Variants in DLGAP1 observed in about 807,000 individuals in gnomAD.
DLGAP1 encodes DLG associated protein 1.
DLGAP1 carries 11 observed loss-of-function variants against 90.8 expected under a neutral mutation model. The observed-to-expected ratio is 0.12, with a 90% CI of 0.08 to 0.20. The LOEUF (loss-of-function observed/expected upper bound fraction) is 0.20. Ranked by LOEUF, DLGAP1 falls within the 10% of genes least tolerant of loss-of-function variation. DLGAP1 has a pLI of 1.00. For synonymous variants in DLGAP1, 558 were observed against 540.7 expected, an observed-to-expected ratio of 1.03 and a Z score of -0.44; for missense variants, 1,050 against 1,333.8, an observed-to-expected ratio of 0.79 and a Z score of 3.31.
chr18:4,354,998 G>C (rs990631048), intron 1 of DLGAP1, among the ~76,000 whole-genome samples: 4 of 149,462 alleles, frequency 2.7e-5, no homozygotes, highest in Admixed American at 2.0e-4. Context: ...AGGATGCAGA[G>C]ACTCTGGGTC....
At chr18:3,528,322 G>A (rs2051780663) in intron 10 of DLGAP1, among the ~76,000 whole-genome samples, 1 of 152,144 alleles carries the variant, frequency 6.6e-6, no homozygotes, top group African/African-American at 2.4e-5. Context: ...AGTGGGATTG[G>A]CCTCTCTTCC....
chr18:3,703,510 T>C (rs1193218704), intron 7 of DLGAP1, among the ~76,000 whole-genome samples: 2 of 152,200 alleles, frequency 1.3e-5, no homozygotes, highest in African/African-American at 4.8e-5. Context: ...GGCCCTGATC[T>C]CTGTAGAAGG....
intron 1 of DLGAP1, among the ~76,000 whole-genome samples, chr18:4,164,578 G>A (rs2076902104): frequency 6.6e-6 from 1 of 152,134 alleles, no homozygotes; most frequent in Admixed American, 6.5e-5. Context: ...TACTTGGGAG[G>A]CTGAGGCAGG....
At chr18:3,945,552 G>A (rs1202320080) in intron 3 of DLGAP1, among the ~76,000 whole-genome samples, 3 of 152,030 alleles carry the variant, frequency 2.0e-5, no homozygotes, top group African/African-American at 7.2e-5. Context: ...AATCTTCAAA[G>A]GGAAAAAAGA....
At chr18:4,087,904 C>T (rs72872613) in intron 2 of DLGAP1, among the ~76,000 whole-genome samples, 6,462 of 152,088 alleles carry the variant, frequency 0.042, 189 homozygotes, top group Non-Finnish European at 0.066. Context: ...TATGTTGAGA[C>T]CATTGACATC....
intron 3 of DLGAP1, among the ~76,000 whole-genome samples, chr18:3,882,517 A>G (rs1237379464): frequency 7.5e-6 from 1 of 133,258 alleles, no homozygotes; most frequent in Non-Finnish European, 1.6e-5. Context: ...ACAGAATGAG[A>G]CCCTGTCTCA....
At chr18:4,091,007 C>G (rs1260444950) in intron 2 of DLGAP1, among the ~76,000 whole-genome samples, 1 of 152,204 alleles carries the variant, frequency 6.6e-6, no homozygotes, top group Non-Finnish European at 1.5e-5. Flanking sequence ...AAAGCAAACA[C>G]TGCGTGTTCT....
At position 3,526,850 on chromosome 18, in the gene DLGAP1, A is replaced by G. The variant is rs1454630433; in HGVS notation, c.2479+7344T>C. Among the ~76,000 whole-genome samples the G allele has an allele frequency of 6.6e-6, 1 of 152,196 alleles. No homozygotes were observed. The highest frequency in any genetic ancestry group is 1.5e-5 in the Non-Finnish European group (1 of 68,026). ...GCCATCTCCCTGAGACAGCTGTTTC[A>G]CACAAGGGCTTCATTGTCTGAGAAG... On this transcript the variant is annotated intron_variant, in intron 10 of 12. Coordinates refer to ENST00000315677, the MANE Select transcript of DLGAP1 (RefSeq NM_004746.4). The surrounding 1 kb of genome is among the most constrained non-coding windows in gnomAD (Gnocchi z 4.7).
At chr18:4,429,493 T>C (rs1270349751) in intron 1 of DLGAP1, among the ~76,000 whole-genome samples, 4 of 152,216 alleles carry the variant, frequency 2.6e-5, no homozygotes, top group Non-Finnish European at 4.4e-5. Context: ...AGAAAAAATA[T>C]TGGACTCCAA....
chr18:4,147,205 T>C (rs2076598704), intron 2 of DLGAP1, among the ~76,000 whole-genome samples: 1 of 152,204 alleles, frequency 6.6e-6, no homozygotes, highest in Non-Finnish European at 1.5e-5. Flanking sequence ...ATTTATTAAA[T>C]AGATGTGATT....
At chr18:3,989,769 C>G (rs1191172460) in intron 3 of DLGAP1, among the ~76,000 whole-genome samples, 1 of 152,062 alleles carries the variant, frequency 6.6e-6, no homozygotes, top group South Asian at 2.1e-4. Context: ...CTACAATGAA[C>G]TCAAACAAAT....
Position 3,804,689 on chromosome 18 carries a change from G to C in DLGAP1, c.1172+9370C>G, listed in dbSNP as rs73372558. 8.6e-3 allele frequency among the ~76,000 whole-genome samples: 1,306 copies of C among 152,312 alleles called. 15 individuals carry two copies. Among genetic ancestry groups the C allele is most frequent in the African/African-American group, 0.029 (1,219 of 41,580 alleles). ...GATGGCAGCTCAACTCAACCACTGCGCATTAAAGTTACTCATGGAGGGTAC... is the reference window on the plus strand; with the variant it reads ...GATGGCAGCTCAACTCAACCACTGCCCATTAAAGTTACTCATGGAGGGTAC... On this transcript the variant is annotated intron_variant, in intron 5 of 12. Transcript: ENST00000315677.
intron 7 of DLGAP1, among the ~76,000 whole-genome samples, chr18:3,691,257 T>G (rs1250561064): frequency 6.6e-6 from 1 of 152,118 alleles, no homozygotes; most frequent in Middle Eastern, 3.2e-3. Context: ...AAGACCAGCC[T>G]GGCCAACACA....
chr18:3,833,130 A>ATTCC (rs55783238), intron 4 of DLGAP1, among the ~76,000 whole-genome samples: 3 of 107,484 alleles, frequency 2.8e-5, no homozygotes, highest in African/African-American at 1.1e-4. Context: ...GAATTATAAG[A>ATTCC]TTCCTTCCTT....
chr18:3,542,758 T>C (rs2052765761), intron 9 of DLGAP1, among the ~76,000 whole-genome samples: 1 of 152,188 alleles, frequency 6.6e-6, no homozygotes, highest in African/African-American at 2.4e-5. Flanking sequence ...TGGGCGATGA[T>C]TGCTTTATAA....
At chr18:3,620,545 T>TTTA (rs4065327) in intron 7 of DLGAP1, among the ~76,000 whole-genome samples, 2,465 of 149,922 alleles carry the variant, frequency 0.016, 61 homozygotes, top group African/African-American at 0.052. Flanking sequence ...GCTATCACAT[T>TTTA]TTATTATTAT....
At chr18:3,699,963 C>T (rs879933628) in intron 7 of DLGAP1, among the ~76,000 whole-genome samples, 8 of 152,192 alleles carry the variant, frequency 5.3e-5, no homozygotes, top group Non-Finnish European at 1.0e-4. Flanking sequence ...CAATGGTGGA[C>T]GCCCCGCCCC....
chr18:3,556,051 A>G (rs544323074), intron 9 of DLGAP1, among the ~76,000 whole-genome samples: 1 of 152,350 alleles, frequency 6.6e-6, no homozygotes, highest in Admixed American at 6.5e-5. Flanking sequence ...AAAGTTTTAC[A>G]TGTATTAAAC....
chr18:4,044,799 G>T (rs1243679712), intron 2 of DLGAP1, among the ~76,000 whole-genome samples: 1 of 151,888 alleles, frequency 6.6e-6, no homozygotes, highest in African/African-American at 2.4e-5. Context: ...AAAAACCTAG[G>T]TTGACCTCAG....
Sources: gnomAD v4.1 joint callset for allele counts (sites outside exome capture counted in the v4.1 genomes callset) on GRCh38, gnomAD v4.1.1 for gene constraint, Gnocchi (gnomAD v3.1) non-coding constraint, MANE v1.5 for transcripts, NCBI Gene and HGNC (gene_info 2026-07-23, HGNC 2026-07-21) for gene names.